The following ILDR1 variants were observed in gnomAD, a reference collection of about 807,000 sequenced individuals.
ILDR1 encodes immunoglobulin like domain containing receptor 1.
A neutral mutation model predicts 62.4 loss-of-function variants in ILDR1; 56 were observed. The ratio of observed to expected loss-of-function variants is 0.90; its 90% confidence interval spans 0.72 to 1.12. The LOEUF is 1.12. Ranked by LOEUF, ILDR1 falls within the 50% of genes most tolerant of loss-of-function variation. ILDR1 has a pLI of 0.00. For synonymous variants in ILDR1, 284 were observed against 277.8 expected, an observed-to-expected ratio of 1.02 and a Z score of -0.22; for missense variants, 736 against 710.6, an observed-to-expected ratio of 1.04 and a Z score of -0.41.
the ILDR1 span, among the ~76,000 whole-genome samples, chr3:122,044,945 C>G: frequency 2.5e-4 from 37 of 147,828 alleles, no homozygotes; most frequent in Non-Finnish European, 4.5e-4. Context: ...TTAGTTATTT[C>G]TTGCCTTCTG....
intron 5 of ILDR1, among the ~76,000 whole-genome samples, chr3:121,997,549 A>G (rs1443371214): frequency 6.6e-6 from 1 of 152,216 alleles, no homozygotes; most frequent in Non-Finnish European, 1.5e-5. Flanking sequence ...ATTGATGAAG[A>G]GGAACCAGCC....
At chr3:121,990,422 T>C (rs923770207) in intron 7 of ILDR1, among the ~76,000 whole-genome samples, 5 of 152,214 alleles carry the variant, frequency 3.3e-5, no homozygotes, top group Admixed American at 6.5e-5. Context: ...TTCCAAACAA[T>C]GGAGGCTTTT....
chr3:122,023,947 G>C (rs2071899459), upstream of ILDR1, among the ~76,000 whole-genome samples: 1 of 152,066 alleles, frequency 6.6e-6, no homozygotes, highest in South Asian at 2.1e-4. Flanking sequence ...TTCCGGGTTT[G>C]TGAATAGTCT....
At position 122,019,797 on chromosome 3, in the gene ILDR1, T is replaced by C. The variant is rs990572227; in HGVS notation, c.58+2223A>G. 3.3e-5 allele frequency among the ~76,000 whole-genome samples: 5 copies of C among 152,214 alleles called. No homozygotes were observed. The South Asian group carries it at 1.0e-3, about 32-fold the overall frequency. On this transcript the variant is annotated intron_variant, in intron 1 of 7. Transcript: ENST00000344209. Reference sequence around the variant, plus strand: ...GGGAACTTGGAGGCTAATCAGAGAATTGGGTTGACTCTTCTTCAGAGACAG... The same window carrying C: ...GGGAACTTGGAGGCTAATCAGAGAACTGGGTTGACTCTTCTTCAGAGACAG...
chr3:121,994,255 TC>T lies in ILDR1; in HGVS notation c.704del (p.Gly235GlufsTer38), dbSNP rs1345684507. ...QAQALGPQMM[G>X]KPLYWGADRS... ...TGTCCGCCCCCCAGTACAGGGGTTT[TC>T]CCATCATCTGAGGACCTAGGGCCTG... is the stretch of plus-strand genomic sequence containing the variant. On this transcript the variant is annotated frameshift_variant, in exon 6 of 8. Coordinates refer to ENST00000344209, the MANE Select transcript of ILDR1 (RefSeq NM_001199799.2). LOFTEE classifies it high-confidence loss of function. The T allele has an allele frequency of 6.5e-7, 1 of 1,536,070 alleles. No individual in the cohort carries two copies. The highest frequency in any genetic ancestry group is 1.2e-5 in the South Asian group (1 of 84,060).
the ILDR1 span, among the ~76,000 whole-genome samples, chr3:122,036,015 A>T: frequency 6.6e-6 from 1 of 152,208 alleles, no homozygotes; most frequent in Non-Finnish European, 1.5e-5. Context: ...TAGTGACATG[A>T]ACAATGAAGT....
the ILDR1 span, among the ~76,000 whole-genome samples, chr3:122,033,941 T>TA: frequency 6.6e-6 from 1 of 152,228 alleles, no homozygotes; most frequent in South Asian, 2.1e-4. Flanking sequence ...TTTTCTTCTT[T>TA]AAGAATGATT....
At position 121,994,450 on chromosome 3, in the gene ILDR1, G is replaced by C; in HGVS notation, c.647-137C>G. 3 of 932,008 alleles carry C rather than the reference G, an allele frequency of 3.2e-6. No individual in the cohort carries two copies. In the South Asian group the frequency reaches 6.8e-5, roughly 21 times the overall value. 57.7% of individuals were successfully genotyped at this position (932,008 alleles called of 1,614,324 possible). ...TCTCACCTATTTTGCATGGGAGTAA[G>C]GGTTAAGGGGGTAGTAAATTAACTG... On this transcript the variant is annotated intron_variant, in intron 5 of 7. Transcript: ENST00000344209.
At chr3:122,008,141 A>G (rs1032847389) in intron 1 of ILDR1, among the ~76,000 whole-genome samples, 8 of 152,256 alleles carry the variant, frequency 5.3e-5, no homozygotes, top group African/African-American at 1.9e-4. Flanking sequence ...CAGTACAGGC[A>G]GTGAGCATAA....
intron 7 of ILDR1, among the ~76,000 whole-genome samples, chr3:121,991,764 A>G (rs747036910): frequency 3.3e-5 from 5 of 152,188 alleles, no homozygotes; most frequent in Admixed American, 6.5e-5. Flanking sequence ...TCTGCTCTAG[A>G]AAGAGCAGCA....
chr3:122,050,888 A>C, the ILDR1 span, among the ~76,000 whole-genome samples: 9 of 152,138 alleles, frequency 5.9e-5, no homozygotes, highest in Non-Finnish European at 1.2e-4. Flanking sequence ...TCATTTTTGA[A>C]GGCTAGTTTT....
chr3:122,042,839 T>C, the ILDR1 span, among the ~76,000 whole-genome samples: 237 of 152,338 alleles, frequency 1.6e-3, no homozygotes, highest in Non-Finnish European at 2.7e-3. Context: ...GAGTAGGTTG[T>C]GAAAATTTTT....
the ILDR1 span, among the ~76,000 whole-genome samples, chr3:122,047,753 T>C: frequency 1.3e-5 from 2 of 152,240 alleles, no homozygotes; most frequent in South Asian, 4.1e-4. Flanking sequence ...AGTGAGGCAA[T>C]GCCTCGCCCT....
At chr3:122,037,945 T>C in the ILDR1 span, among the ~76,000 whole-genome samples, 2 of 151,318 alleles carry the variant, frequency 1.3e-5, no homozygotes, top group African/African-American at 4.9e-5. Flanking sequence ...TCTGTCTCTC[T>C]GTCTCTGTCT....
At chr3:122,033,568 G>A in the ILDR1 span, among the ~76,000 whole-genome samples, 2 of 151,974 alleles carry the variant, frequency 1.3e-5, no homozygotes, top group Non-Finnish European at 2.9e-5. Context: ...AAGGAATGCT[G>A]TATTCCCCAG....
the ILDR1 span, among the ~76,000 whole-genome samples, chr3:122,059,708 A>G: frequency 4.5e-4 from 69 of 152,264 alleles, no homozygotes; most frequent in African/African-American, 1.6e-3. Flanking sequence ...CTCCCTTAAA[A>G]TTCATATGTT....
At chr3:122,046,991 C>T in the ILDR1 span, among the ~76,000 whole-genome samples, 18,324 of 143,974 alleles carry the variant, frequency 0.13, 1,249 homozygotes, top group Non-Finnish European at 0.15. Context: ...GGAGGAGAGG[C>T]GCTCTGCATT....
At chr3:122,040,137 A>C in the ILDR1 span, among the ~76,000 whole-genome samples, 1 of 152,092 alleles carries the variant, frequency 6.6e-6, no homozygotes, top group East Asian at 1.9e-4. Flanking sequence ...TACTAAGAAA[A>C]CATCACAAAT....
chr3:122,045,840 A>T, the ILDR1 span, among the ~76,000 whole-genome samples: 1 of 150,874 alleles, frequency 6.6e-6, no homozygotes, highest in Non-Finnish European at 1.5e-5. Flanking sequence ...TTTCCTGAAT[A>T]CAGCACACTG....
Sources: gnomAD v4.1 joint callset for allele counts (sites outside exome capture counted in the v4.1 genomes callset) on GRCh38, gnomAD v4.1.1 for gene constraint, MANE v1.5 for transcripts, NCBI Gene and HGNC (gene_info 2026-07-23, HGNC 2026-07-21) for gene names.